Variants in ACYP2 observed in about 807,000 individuals in gnomAD.
The protein encoded by ACYP2 is acylphosphatase 2.
ACYP2 carries 12 observed loss-of-function variants against 11.2 expected under a neutral mutation model. The ratio of observed to expected loss-of-function variants is 1.08; its 90% CI spans 0.69 to 1.74. ACYP2 has a LOEUF of 1.74. Among genes scored for constraint, ACYP2 ranks in the 40% most tolerant of loss-of-function variants. The probability of loss-of-function intolerance (pLI) is 0.00; values close to 1 mark genes in which losing one functional copy is unlikely to be tolerated. For missense variants in ACYP2, 134 were observed against 101.9 expected, an observed-to-expected ratio of 1.31 and a Z score of -1.35; for synonymous variants, 43 against 32.2, an observed-to-expected ratio of 1.33 and a Z score of -1.13.
intron 6 of ACYP2, chr2:54,253,127 T>G (rs946291075): frequency 1.3e-5 from 2 of 152,184 alleles, no homozygotes; most frequent in African/African-American, 4.8e-5. Context: ...AAAAGAGACA[T>G]GTCAATTACT....
chr2:54,015,643 C>T (rs1193712305), intron 2 of ACYP2, among the ~76,000 whole-genome samples: 9 of 107,032 alleles, frequency 8.4e-5, no homozygotes, highest in East Asian at 6.1e-4. Context: ...AGTGAGACCC[C>T]GTCACACACA....
At chr2:54,222,608 C>T (rs962263809) in intron 6 of ACYP2, among the ~76,000 whole-genome samples, 13 of 151,714 alleles carry the variant, frequency 8.6e-5, no homozygotes, top group Admixed American at 2.6e-4. Context: ...GGTGTGTTAT[C>T]TCTAGTCATT....
intron 6 of ACYP2, among the ~76,000 whole-genome samples, chr2:54,196,723 C>T (rs1215299036): frequency 1.3e-5 from 2 of 149,312 alleles, no homozygotes; most frequent in Admixed American, 6.6e-5. Context: ...AACCCCCAGT[C>T]GTGGTCACCA....
intron 6 of ACYP2, among the ~76,000 whole-genome samples, chr2:54,304,302 G>A (rs1046690259): frequency 1.3e-5 from 2 of 151,604 alleles, no homozygotes; most frequent in Non-Finnish European, 2.9e-5. Flanking sequence ...CATCTACCAC[G>A]TGCTGAGTAA....
chr2:54,154,573 A>T (rs1042153022), intron 6 of ACYP2, among the ~76,000 whole-genome samples: 1 of 152,178 alleles, frequency 6.6e-6, no homozygotes, highest in African/African-American at 2.4e-5. Flanking sequence ...GGTGTTCTCC[A>T]TTTATAGATT....
chr2:54,035,567 G>A (rs1674853127), intron 2 of ACYP2, among the ~76,000 whole-genome samples: 1 of 152,118 alleles, frequency 6.6e-6, no homozygotes, highest in Non-Finnish European at 1.5e-5. Context: ...TCCCGGCCTA[G>A]AGACAATTTC....
intron 2 of ACYP2, among the ~76,000 whole-genome samples, chr2:53,987,402 T>C (rs953435968): frequency 3.3e-5 from 5 of 151,306 alleles, no homozygotes; most frequent in South Asian, 2.1e-4. Context: ...CTTTACAAAG[T>C]GTAGGCTCCT....
At chr2:54,051,060 ACCG>A in intron 3 of ACYP2, 1 of 505,492 alleles carries the variant, frequency 2.0e-6, no homozygotes. Flanking sequence ...GGTGAGAACC[ACCG>A]TCCTTGGTCA....
rs570460601 is a variant in ACYP2, at chr2:54,157,256, AAAC to A, written c.404+18509_404+18511del. 4.3e-3 allele frequency among the ~76,000 whole-genome samples: 656 copies of A among 152,324 alleles called. 1 individual carries two copies. The highest frequency in any genetic ancestry group is 6.9e-3 in the Non-Finnish European group (471 of 68,026). ...AATATAATCCCTTATTATTTTAAAA[AAAC>A]CTATACATTCCCATGTAGTTACATT... is the stretch of plus-strand genomic sequence containing the variant. On this transcript the variant is annotated intron_variant, in intron 6 of 6. Transcript: ENST00000607452.
intron 6 of ACYP2, among the ~76,000 whole-genome samples, chr2:54,204,703 A>G (rs1685001384): frequency 6.6e-6 from 1 of 152,076 alleles, no homozygotes; most frequent in South Asian, 2.1e-4. Context: ...CCTTTGATCT[A>G]AAAAACTCAA....
chr2:54,104,322 T>A (rs1340417052), intron 4 of ACYP2, among the ~76,000 whole-genome samples: 1 of 152,214 alleles, frequency 6.6e-6, no homozygotes, highest in Admixed American at 6.5e-5. Context: ...CATAAATTCC[T>A]TCATGAGGAA....
At chr2:53,976,054 C>G (rs990266773) in intron 2 of ACYP2, among the ~76,000 whole-genome samples, 2 of 152,158 alleles carry the variant, frequency 1.3e-5, no homozygotes, top group Admixed American at 6.5e-5. Flanking sequence ...CTTTGATGTG[C>G]TTATTGGAAC....
intron 2 of ACYP2, among the ~76,000 whole-genome samples, chr2:54,018,377 GA>G (rs1462482165): frequency 2.6e-5 from 4 of 151,876 alleles, no homozygotes; most frequent in Non-Finnish European, 4.4e-5. Context: ...CATCAAAAGG[GA>G]AAAAAAGAAC....
chr2:54,034,506 A>C (rs1674766893), intron 2 of ACYP2, among the ~76,000 whole-genome samples: 1 of 152,214 alleles, frequency 6.6e-6, no homozygotes, highest in Admixed American at 6.5e-5. Context: ...GTAACCTAGG[A>C]GTGATAGTCT....
chr2:54,199,687 A>G (rs984401839), intron 6 of ACYP2, among the ~76,000 whole-genome samples: 5 of 152,238 alleles, frequency 3.3e-5, no homozygotes, highest in African/African-American at 7.2e-5. Context: ...GGAAAAGACT[A>G]TAGGAGAAAT....
chr2:53,980,115 G>A (rs543221845), intron 2 of ACYP2, among the ~76,000 whole-genome samples: 3 of 152,116 alleles, frequency 2.0e-5, no homozygotes, highest in African/African-American at 7.2e-5. Flanking sequence ...GGCCAAGGCA[G>A]GAGGATCACT....
intron 6 of ACYP2, among the ~76,000 whole-genome samples, chr2:54,303,238 C>A (rs886937753): frequency 1.3e-5 from 2 of 152,054 alleles, no homozygotes; most frequent in African/African-American, 4.8e-5. Context: ...GTAGTCCCAG[C>A]TACCTGGGGT....
In ACYP2 at chr2:54,256,103, G is replaced by A. The variant is rs778640852; in HGVS notation, c.405-48585G>A. On this transcript the variant is annotated intron_variant, in intron 6 of 6. Coordinates refer to ENST00000607452, the MANE Select transcript of ACYP2 (RefSeq NM_001320586.2). ...CTCTGGCCCTGGTGCGGGTCTTCCA[G>A]AGCATAGTCGAGAGTAGCGGGGCTG... 43 of 1,614,072 alleles carry A rather than the reference G, an allele frequency of 2.7e-5. No individual in the cohort carries two copies. In the Admixed American group the frequency reaches 6.2e-4, roughly 23 times the overall value.
chr2:54,159,618 G>A (rs754008801), intron 6 of ACYP2, among the ~76,000 whole-genome samples: 12 of 152,114 alleles, frequency 7.9e-5, no homozygotes, highest in African/African-American at 2.9e-4. Context: ...GGCATAAGAT[G>A]ATTAAAGGGG....
Sources: gnomAD v4.1 joint callset for allele counts (sites outside exome capture counted in the v4.1 genomes callset) on GRCh38, gnomAD v4.1.1 for gene constraint, MANE v1.5 for transcripts, NCBI Gene and HGNC (gene_info 2026-07-23, HGNC 2026-07-21) for gene names.